The following SLC13A3 variants were observed in gnomAD, a reference collection of about 807,000 sequenced individuals.
SLC13A3 encodes the protein solute carrier family 13 member 3.
Under a neutral mutation model 59.0 loss-of-function variants are expected in SLC13A3, and 40 were observed. The ratio of observed to expected loss-of-function variants is 0.68; its 90% CI spans 0.53 to 0.88. The LOEUF is 0.88. SLC13A3 is among the 40% of genes least tolerant of loss of function. SLC13A3 has a pLI of 0.00. For missense variants in SLC13A3, 699 were observed against 783.2 expected, an observed-to-expected ratio of 0.89 and a Z score of 1.28; for synonymous variants, 317 against 330.3, an observed-to-expected ratio of 0.96 and a Z score of 0.44.
chr20:46,596,027 G>A, intron 5 of SLC13A3, 130 bp downstream of exon 5: 1 of 768,922 alleles, frequency 1.3e-6, no homozygotes, highest in Non-Finnish European at 2.0e-6. Flanking sequence ...ACTGGATTTT[G>A]TGCATTGCTG....
At chr20:46,592,312 C>G in intron 6 of SLC13A3, 92 bp downstream of exon 6, 2 of 1,460,412 alleles carry the variant, frequency 1.4e-6, no homozygotes, top group Non-Finnish European at 1.9e-6. Context: ...CATGAAATAA[C>G]AATCATCCTC....
In SLC13A3 at chr20:46,576,648, C is replaced by A. The variant is rs140063193; in HGVS notation, c.1220-963G>T. The stretch of plus-strand genomic sequence containing the variant: ...TATTTGTCAAATAATGTACATGACA[C>A]ACTTAGACCCATGCCTGGTGCAGGG... On this transcript the variant is annotated intron_variant, in intron 9 of 12. Transcript: ENST00000279027. Among the ~76,000 whole-genome samples, 282 of 152,294 alleles carry A rather than the reference C, an allele frequency of 1.9e-3. 1 individual carries two copies. Among genetic ancestry groups the A allele is most frequent in the African/African-American group, 6.2e-3 (259 of 41,550 alleles).
intron 9 of SLC13A3, chr20:46,582,727 C>T: frequency 1.0e-6 from 1 of 985,260 alleles, no homozygotes; most frequent in Non-Finnish European, 1.2e-6. Flanking sequence ...TGGGGCTATC[C>T]TGAGTGACAC....
rs547310725 is a variant in SLC13A3, at chr20:46,657,557, C to T, written c.-31+12486G>A. On this transcript the variant is annotated intron_variant, in intron 1 of 12. Coordinates refer to the SLC13A3 transcript ENST00000290317. ...GGGATGTCACCTCATTACTACAAGA[C>T]GAAAGTAGAAGTCCAGTTCCCCACC... 5.9e-5 allele frequency among the ~76,000 whole-genome samples: 9 copies of T among 152,174 alleles called. No individual in the cohort carries two copies. In the South Asian group the frequency reaches 1.7e-3, roughly 28 times the overall value.
chr20:46,582,277 C>T (rs568842833), intron 9 of SLC13A3, among the ~76,000 whole-genome samples: 48 of 152,000 alleles, frequency 3.2e-4, no homozygotes, highest in African/African-American at 8.0e-4. Context: ...TGCCTCACCA[C>T]GCCCAGCTAT....
At chr20:46,674,816 T>G (rs2063114759), upstream of SLC13A3, among the ~76,000 whole-genome samples, 1 of 151,890 alleles carries the variant, frequency 6.6e-6, no homozygotes, top group South Asian at 2.1e-4. Flanking sequence ...CAAACAGAGC[T>G]CCCTGCCCAG....
At chr20:46,626,604 T>C (rs2062675410) in intron 1 of SLC13A3, among the ~76,000 whole-genome samples, 1 of 152,184 alleles carries the variant, frequency 6.6e-6, no homozygotes, top group Non-Finnish European at 1.5e-5. Context: ...CAGCTGAGCT[T>C]CCTGTGGGCA....
At chr20:46,570,845 C>G (rs1478305577) in intron 10 of SLC13A3, among the ~76,000 whole-genome samples, 1 of 152,084 alleles carries the variant, frequency 6.6e-6, no homozygotes, top group African/African-American at 2.4e-5. Context: ...GAATCTGGAT[C>G]TTAGTCATGT....
intron 1 of SLC13A3, among the ~76,000 whole-genome samples, chr20:46,660,614 T>C (rs1317982955): frequency 6.6e-6 from 1 of 152,188 alleles, no homozygotes; most frequent in Non-Finnish European, 1.5e-5. Flanking sequence ...TTAGGTGTAG[T>C]GTTTCCCTTA....
At chr20:46,639,341 A>C (rs1402825301) in intron 1 of SLC13A3, among the ~76,000 whole-genome samples, 2 of 152,158 alleles carry the variant, frequency 1.3e-5, no homozygotes, top group East Asian at 3.9e-4. Context: ...AGGTGCCTGT[A>C]ATCCCAGCTA....
At chr20:46,639,181 C>T (rs560978030) in intron 1 of SLC13A3, among the ~76,000 whole-genome samples, 91 of 150,014 alleles carry the variant, frequency 6.1e-4, no homozygotes, top group African/African-American at 2.1e-3. Flanking sequence ...TGGTGGCTCA[C>T]GCCTGTAATC....
chr20:46,665,645 A>C (rs980324866), intron 1 of SLC13A3, among the ~76,000 whole-genome samples: 2 of 152,236 alleles, frequency 1.3e-5, no homozygotes, highest in African/African-American at 2.4e-5. Context: ...TTCAATCATC[A>C]GTTAATACAC....
At chr20:46,679,847 G>A (rs1600639070) in intron 1 of SLC13A3, among the ~76,000 whole-genome samples, 3 of 151,672 alleles carry the variant, frequency 2.0e-5, no homozygotes, top group Admixed American at 2.0e-4. Flanking sequence ...GGTGGAGGTT[G>A]TGATGAGCCG....
At chr20:46,661,814 GT>G (rs966356519) in intron 1 of SLC13A3, among the ~76,000 whole-genome samples, 2 of 152,058 alleles carry the variant, frequency 1.3e-5, no homozygotes, top group Non-Finnish European at 2.9e-5. Flanking sequence ...TCTACCTCAG[GT>G]TTTCTGTCTG....
At chr20:46,651,465 G>A (rs1442830286), upstream of SLC13A3, 15 of 1,375,336 alleles carry the variant, frequency 1.1e-5, no homozygotes, top group Non-Finnish European at 1.4e-5. Context: ...GGACTGCCCC[G>A]CCTGGCCCCG....
intron 1 of SLC13A3, among the ~76,000 whole-genome samples, chr20:46,615,219 A>T (rs1166840235): frequency 3.9e-5 from 6 of 152,220 alleles, no homozygotes; most frequent in African/African-American, 1.4e-4. Context: ...ATTCTAGGAA[A>T]CATGAACTTT....
At chr20:46,595,740 G>A (rs2062304543) in intron 5 of SLC13A3, among the ~76,000 whole-genome samples, 1 of 152,080 alleles carries the variant, frequency 6.6e-6, no homozygotes, top group African/African-American at 2.4e-5. Context: ...TCCAAGCCCT[G>A]TAGGAGCTAC....
chr20:46,676,630 G>A (rs2063127810), intron 1 of SLC13A3, among the ~76,000 whole-genome samples: 1 of 151,726 alleles, frequency 6.6e-6, no homozygotes, highest in Admixed American at 6.6e-5. Context: ...GTGTCATCCA[G>A]GCTGGAGTGC....
intron 1 of SLC13A3, among the ~76,000 whole-genome samples, chr20:46,622,755 A>G (rs1369389817): frequency 6.6e-6 from 1 of 152,118 alleles, no homozygotes; most frequent in Admixed American, 6.5e-5. Context: ...TCAGAACTTA[A>G]TAGATGACAA....
Sources: gnomAD v4.1 joint callset for allele counts (sites outside exome capture counted in the v4.1 genomes callset) on GRCh38, gnomAD v4.1.1 for gene constraint, MANE v1.5 for transcripts, NCBI Gene and HGNC (gene_info 2026-07-23, HGNC 2026-07-21) for gene names.